The following ZYG11B variants were observed in gnomAD, a reference collection of about 807,000 sequenced individuals.
ZYG11B encodes the protein zyg-11 family member B, cell cycle regulator, also known as protein zyg-11 homolog B.
Under a neutral mutation model 82.4 loss-of-function variants are expected in ZYG11B, and 36 were observed. The ratio of observed to expected loss-of-function variants is 0.44; its 90% confidence interval spans 0.33 to 0.58. The LOEUF (loss-of-function observed/expected upper bound fraction) is 0.58, where lower values mean the gene tolerates loss of function less well. Among genes scored for constraint, ZYG11B ranks in the 20% least tolerant of loss-of-function variants. The pLI, the probability that ZYG11B is intolerant of heterozygous loss-of-function variation, is 0.02. For synonymous variants in ZYG11B, 303 were observed against 312.8 expected, an observed-to-expected ratio of 0.97 and a Z score of 0.33; for missense variants, 552 against 895.6, an observed-to-expected ratio of 0.62 and a Z score of 4.90.
intron 1 of ZYG11B, among the ~76,000 whole-genome samples, chr1:52,747,075 G>A (rs1044717635): frequency 5.3e-5 from 8 of 151,648 alleles, no homozygotes; most frequent in Non-Finnish European, 8.8e-5. Flanking sequence ...ATACAAAATG[G>A]TATCTAGTAT....
intron 5 of ZYG11B, among the ~76,000 whole-genome samples, chr1:52,786,608 G>A (rs904365705): frequency 1.3e-5 from 2 of 151,870 alleles, no homozygotes; most frequent in Admixed American, 6.6e-5. Flanking sequence ...AATTAACCTG[G>A]CATGGTGGCA....
intron 4 of ZYG11B, among the ~76,000 whole-genome samples, chr1:52,782,960 C>A (rs1030695704): frequency 1.4e-5 from 2 of 146,316 alleles, no homozygotes; most frequent in African/African-American, 5.1e-5. Context: ...TGAGTCTCAC[C>A]CTATTGCCCA....
intron 10 of ZYG11B, among the ~76,000 whole-genome samples, chr1:52,803,113 TATATACACAC>T (rs1276621506): frequency 0.011 from 954 of 84,108 alleles, 40 homozygotes; most frequent in East Asian, 0.028. Context: ...TATATATATA[TATATACACAC>T]ATATATATAT....
chr1:52,821,628 G>A lies in ZYG11B; in HGVS notation c.2234G>A (p.Ter745=). ...CKKQPQARLN[*] ...AAACAGCCCCAAGCCAGACTAAATT[G>A]ATAGCCATAAGTATTGGATAGTTGA... Residue 745 remains the stop codon, a stop_retained_variant, in exon 14 of 14, where the codon TGA becomes TAA. Transcript: ENST00000294353. The A allele has an allele frequency of 6.2e-7, 1 of 1,610,094 alleles. No individual in the cohort carries two copies. The highest frequency in any genetic ancestry group is 8.5e-7 in the Non-Finnish European group (1 of 1,178,606).
intron 9 of ZYG11B, 41 bp downstream of exon 9, chr1:52,802,021 A>G: frequency 1.3e-6 from 2 of 1,582,532 alleles, no homozygotes; most frequent in Non-Finnish European, 1.7e-6. Context: ...ATATTTATTA[A>G]TTTATTTACT....
At position 52,822,683 on chromosome 1, in the gene ZYG11B, C is replaced by T. The variant is rs1353746432; in HGVS notation, c.*1054C>T. The T allele has an allele frequency of 6.6e-6, 1 of 152,190 alleles. No homozygotes were observed. The highest frequency in any genetic ancestry group is 1.5e-5 in the Non-Finnish European group (1 of 68,034). 9.4% of individuals were successfully genotyped at this position (152,190 alleles called of 1,614,324 possible). The stretch of plus-strand genomic sequence containing the variant: ...TTCATGTTAGAGAAAGTGTCCCCAT[C>T]TCACTGCCAAAAATGAAAGAAAATA... On this transcript the variant is annotated 3_prime_UTR_variant, in exon 14 of 14. Transcript: ENST00000294353.
chr1:52,799,014 A>G (rs2149956929), intron 8 of ZYG11B, among the ~76,000 whole-genome samples: 1 of 152,224 alleles, frequency 6.6e-6, no homozygotes, highest in South Asian at 2.1e-4. Flanking sequence ...CATGATATCA[A>G]ATGAATGATA....
At chr1:52,736,047 A>G (rs79788005) in intron 1 of ZYG11B, among the ~76,000 whole-genome samples, 21 of 152,270 alleles carry the variant, frequency 1.4e-4, no homozygotes, top group African/African-American at 4.6e-4. Context: ...TGTACTTGAT[A>G]TGCATGGGAA....
chr1:52,803,849 C>T (rs951948896), intron 10 of ZYG11B, among the ~76,000 whole-genome samples: 1 of 152,198 alleles, frequency 6.6e-6, no homozygotes, highest in African/African-American at 2.4e-5. Flanking sequence ...AAGCAGTCTT[C>T]CTGCCTTGGC....
chr1:52,726,472 G>GGGCTGCGGCTGCGGCTGCGGCTGC lies in ZYG11B; in HGVS notation c.-175_-152dup, dbSNP rs879654681. On this transcript the variant is annotated 5_prime_UTR_variant, in exon 1 of 14. Coordinates refer to ENST00000294353, the MANE Select transcript of ZYG11B (RefSeq NM_024646.3). ...GGGGGCGGAGTCTGCGCTCTGGTTC[G>GGGCTGCGGCTGCGGCTGCGGCTGC]GGCTGCGGCTGCGGCTGCGGCTGCG... The GGGCTGCGGCTGCGGCTGCGGCTGC allele has an allele frequency of 1.3e-5, 7 of 529,406 alleles. No homozygotes were observed. Among genetic ancestry groups the GGGCTGCGGCTGCGGCTGCGGCTGC allele is most frequent in the Non-Finnish European group, 1.7e-5 (6 of 346,416 alleles). 32.8% of individuals were successfully genotyped at this position (529,406 alleles called of 1,614,324 possible).
chr1:52,802,340 CTTTTTTTTTTT>C (rs397980205), intron 10 of ZYG11B, among the ~76,000 whole-genome samples: 1,865 of 78,164 alleles, frequency 0.024, 56 homozygotes, highest in African/African-American at 0.09. Context: ...TTCTTTCTCT[CTTTTTTTTTTT>C]TTTTTTTTTT....
At chr1:52,783,758 G>A (rs1644877152) in intron 4 of ZYG11B, among the ~76,000 whole-genome samples, 1 of 121,866 alleles carries the variant, frequency 8.2e-6, no homozygotes, top group African/African-American at 2.8e-5. Flanking sequence ...AAGTAGATGG[G>A]ACTATAGGCG....
At chr1:52,734,188 GGGTCTAGATTATGTT>G (rs1284222950) in intron 1 of ZYG11B, among the ~76,000 whole-genome samples, 1 of 151,908 alleles carries the variant, frequency 6.6e-6, no homozygotes, top group Non-Finnish European at 1.5e-5. Flanking sequence ...TGTAGAGGTA[GGGTCTAGATTATGTT>G]GCCAGGCTGG....
At chr1:52,740,457 TAAAAAGA>T (rs1644414268) in intron 1 of ZYG11B, among the ~76,000 whole-genome samples, 1 of 152,092 alleles carries the variant, frequency 6.6e-6, no homozygotes, top group Non-Finnish European at 1.5e-5. Flanking sequence ...GGTGTTCTTT[TAAAAAGA>T]AAAACAATTC....
chr1:52,732,299 A>C (rs898877302), intron 1 of ZYG11B, among the ~76,000 whole-genome samples: 1 of 152,240 alleles, frequency 6.6e-6, no homozygotes, highest in Non-Finnish European at 1.5e-5. Flanking sequence ...GTTATTCAGA[A>C]GCACAAGTGG....
At chr1:52,817,121 G>A (rs1402192687) in intron 13 of ZYG11B, among the ~76,000 whole-genome samples, 2 of 152,032 alleles carry the variant, frequency 1.3e-5, no homozygotes, top group Non-Finnish European at 2.9e-5. Flanking sequence ...TATTCTTTCA[G>A]AATGAGCATG....
intron 1 of ZYG11B, among the ~76,000 whole-genome samples, chr1:52,733,029 C>T (rs1449651310): frequency 6.6e-6 from 1 of 152,008 alleles, no homozygotes; most frequent in Non-Finnish European, 1.5e-5. Flanking sequence ...TTAGATAAAG[C>T]TCATGCGTGG....
chr1:52,803,157 C>CAT lies in ZYG11B; in HGVS notation c.1695+1028_1695+1029dup, dbSNP rs1167719162. Among the ~76,000 whole-genome samples, 115 of 42,808 alleles carry CAT rather than the reference C, an allele frequency of 2.7e-3. 5 individuals carry two copies. Among genetic ancestry groups the CAT allele is most frequent in the East Asian group, 7.2e-3 (9 of 1,252 alleles). The allele number at this position is 42,808 out of a possible 152,430, so 28.1% of individuals were successfully genotyped here. A position where few individuals can be genotyped will look rare whatever the true frequency, so the allele number is the denominator to read the frequency against. ...ATACACACATATATATATATATACACATATATATATACACACATATATATA... is the reference window on the plus strand; with the variant it reads ...ATACACACATATATATATATATACACATATATATATATACACACATATATATA... On this transcript the variant is annotated intron_variant, in intron 10 of 13. Coordinates refer to ENST00000294353, the MANE Select transcript of ZYG11B (RefSeq NM_024646.3).
At chr1:52,780,262 C>T (rs1268281496) in intron 4 of ZYG11B, among the ~76,000 whole-genome samples, 2 of 152,140 alleles carry the variant, frequency 1.3e-5, no homozygotes, top group Admixed American at 1.3e-4. Context: ...GATATTTTAT[C>T]ACCAGCTACT....
Sources: gnomAD v4.1 joint callset for allele counts (sites outside exome capture counted in the v4.1 genomes callset) on GRCh38, gnomAD v4.1.1 for gene constraint, MANE v1.5 for transcripts, NCBI Gene and HGNC (gene_info 2026-07-23, HGNC 2026-07-21) for gene names.